Variants in MSH4 observed in about 807,000 individuals in gnomAD.
The protein encoded by MSH4 is mutS protein homolog 4.
A neutral mutation model predicts 113.7 loss-of-function variants in MSH4; 106 were observed. The observed-to-expected ratio is 0.93, with a 90% CI of 0.80 to 1.10. The LOEUF is 1.10. Among genes scored for constraint, MSH4 ranks in the 50% least tolerant of loss-of-function variants. The pLI, the probability that MSH4 is intolerant of heterozygous loss-of-function variation, is 0.00. For missense variants in MSH4, 1,061 were observed against 1,093.7 expected (o/e 0.97, Z 0.42); for synonymous variants, 368 against 380.2 (o/e 0.97, Z 0.37).
chr1:75,806,408 T>C (rs958161240), intron 2 of MSH4, among the ~76,000 whole-genome samples: 2 of 151,888 alleles, frequency 1.3e-5, no homozygotes, highest in Non-Finnish European at 2.9e-5. Context: ...CCACCACGCC[T>C]GGCTAATTTT....
chr1:75,836,235 G>T (rs529357267), intron 7 of MSH4, among the ~76,000 whole-genome samples: 1 of 151,370 alleles, frequency 6.6e-6, no homozygotes, highest in East Asian at 1.9e-4. Context: ...TCCCTTCTCT[G>T]TCCTTTTCTC....
At chr1:75,833,496 G>A (rs2202019) in intron 7 of MSH4, among the ~76,000 whole-genome samples, 20,501 of 151,994 alleles carry the variant, frequency 0.13, 1,605 homozygotes, top group East Asian at 0.27. Context: ...TAAACCAAAA[G>A]AACAAAGATG....
intron 8 of MSH4, among the ~76,000 whole-genome samples, chr1:75,866,187 T>C (rs188879632): frequency 2.0e-5 from 3 of 152,276 alleles, no homozygotes; most frequent in Admixed American, 2.0e-4. Context: ...CCTGCCCTTT[T>C]TTGAGACAGG....
rs1159528410 is a variant in MSH4 at position 75,881,249 on chromosome 1, A to G, written c.1785A>G (p.Ile595Met). 9 of 1,598,672 alleles carry G rather than the reference A, an allele frequency of 5.6e-6. 1 individual carries two copies. The highest frequency in any genetic ancestry group is 7.7e-6 in the Non-Finnish European group (9 of 1,169,204). The change falls in exon 14 of 20, where the codon ATA (isoleucine) becomes ATG (methionine). Residue 595 changes from isoleucine (I) to methionine (M), a missense_variant. Transcript: ENST00000263187. ...LREIYHMTYMIVCKLLSEIYE... is the reference protein window; with the variant it reads ...LREIYHMTYMMVCKLLSEIYE... Reference sequence around the variant, plus strand: ...GTCTTACCAAACGTGTTTTCAGGATAGTGTGCAAACTGCTTAGTGAGATTT... The same window carrying G: ...GTCTTACCAAACGTGTTTTCAGGATGGTGTGCAAACTGCTTAGTGAGATTT...
At chr1:75,804,768 A>C (rs958064065) in intron 2 of MSH4, among the ~76,000 whole-genome samples, 3 of 146,896 alleles carry the variant, frequency 2.0e-5, no homozygotes, top group Admixed American at 6.8e-5. Context: ...CTTGGCTCCC[A>C]AAGTGCTGGG....
At chr1:75,854,852 A>T (rs1393189081) in intron 8 of MSH4, among the ~76,000 whole-genome samples, 1 of 152,136 alleles carries the variant, frequency 6.6e-6, no homozygotes. Flanking sequence ...ACAAAGTACC[A>T]CAGTTAATGT....
intron 8 of MSH4, among the ~76,000 whole-genome samples, chr1:75,859,935 C>T (rs1183609077): frequency 6.6e-6 from 1 of 151,808 alleles, no homozygotes. Flanking sequence ...CTTTATGAAT[C>T]TGGGTGCTCC....
Position 75,822,422 on chromosome 1 carries a change from C to G in MSH4, c.1003C>G (p.Leu335Val). 6.4e-7 allele frequency: 1 copy of G among 1,557,862 alleles called. No homozygotes were observed. The highest frequency in any genetic ancestry group is 8.6e-7 in the Non-Finnish European group (1 of 1,159,638). Residue 335 changes from leucine (L) to valine (V), a missense_variant, in exon 7 of 20, where the codon CTC becomes GTC. Coordinates refer to ENST00000263187, the MANE Select transcript of MSH4 (RefSeq NM_002440.4). ...GTGTTTTGAAAGGAATAATCACACT[C>G]TCTTTGGTGTTCTAAATTATACTAA... ...NNQDYRNNHTLFGVLNYTKTP... is the reference protein window; with the variant it reads ...NNQDYRNNHTVFGVLNYTKTP...
chr1:75,883,979 A>G (rs1651991413), intron 15 of MSH4, among the ~76,000 whole-genome samples, 158 bp downstream of exon 15: 1 of 152,184 alleles, frequency 6.6e-6, no homozygotes, highest in African/African-American at 2.4e-5. Context: ...TGTAAACTAT[A>G]ACTTTACTAT....
At chr1:75,904,969 G>C (rs1403789634) in intron 19 of MSH4, among the ~76,000 whole-genome samples, 1 of 151,358 alleles carries the variant, frequency 6.6e-6, no homozygotes, top group Admixed American at 6.6e-5. Context: ...GATTTTATTT[G>C]GGTCTTCTCT....
intron 9 of MSH4, among the ~76,000 whole-genome samples, chr1:75,873,007 C>T (rs1171675596): frequency 6.6e-6 from 1 of 152,234 alleles, no homozygotes; most frequent in Non-Finnish European, 1.5e-5. Context: ...AACAACTATG[C>T]TGGGCTGTGC....
chr1:75,909,890 C>G (rs1194265436), intron 19 of MSH4, among the ~76,000 whole-genome samples: 1 of 151,938 alleles, frequency 6.6e-6, no homozygotes, highest in Non-Finnish European at 1.5e-5. Context: ...TGTTTTTCTT[C>G]CATCTCTCTT....
Position 75,822,511 on chromosome 1 carries a change from C to A in MSH4, c.1092C>A (p.Thr364=), listed in dbSNP as rs1425604926. ...TAGAGCCTCTAGTTGATATTGAAAC[C>A]ATTAACATGAGATTAGATTGTGTTC... is the stretch of plus-strand genomic sequence containing the variant. The part of the protein sequence containing the change: ...NILEPLVDIE[T]INMRLDCVQE... Residue 364 remains threonine (T), a synonymous_variant, in exon 7 of 20, where the codon ACC becomes ACA. Transcript: ENST00000263187. 47 of 1,585,460 alleles carry A rather than the reference C, an allele frequency of 3.0e-5. No individual in the cohort carries two copies. The highest frequency in any genetic ancestry group is 3.8e-5 in the Non-Finnish European group (44 of 1,169,536).
At chr1:75,825,664 T>C (rs2100524350) in intron 7 of MSH4, among the ~76,000 whole-genome samples, 1 of 152,310 alleles carries the variant, frequency 6.6e-6, no homozygotes, top group Middle Eastern at 3.4e-3. Context: ...TTGACAGTTT[T>C]TTAGTATGAA....
intron 7 of MSH4, among the ~76,000 whole-genome samples, chr1:75,844,350 A>G (rs534080734): frequency 6.6e-6 from 1 of 152,274 alleles, no homozygotes. Context: ...TTTTTGAGAC[A>G]GAGTCTGACT....
At position 75,840,404 on chromosome 1, in the gene MSH4, T is replaced by C. The variant is rs5745389; in HGVS notation, c.1163-7805T>C. 6.0e-3 allele frequency among the ~76,000 whole-genome samples: 876 copies of C among 146,110 alleles called. 14 individuals are homozygous for C. Among genetic ancestry groups the C allele is most frequent in the Admixed American group, 0.034 (483 of 14,208 alleles). Reference sequence around the variant, plus strand: ...TGAAATTGGAAATCATCATTCTCAGTAAACTATCACAAGAACAAAAAACCA... The same window carrying C: ...TGAAATTGGAAATCATCATTCTCAGCAAACTATCACAAGAACAAAAAACCA... On this transcript the variant is annotated intron_variant, in intron 7 of 19. Transcript: ENST00000263187.
intron 12 of MSH4, 29 bp downstream of exon 12, chr1:75,879,157 T>C (rs1651878299): frequency 6.3e-7 from 1 of 1,586,964 alleles, no homozygotes; most frequent in South Asian, 1.1e-5. Flanking sequence ...AGGAAATTAG[T>C]GTTTCTGATT....
intron 7 of MSH4, among the ~76,000 whole-genome samples, chr1:75,832,264 T>A (rs544442462): frequency 1.3e-4 from 20 of 152,228 alleles, no homozygotes; most frequent in African/African-American, 4.6e-4. Flanking sequence ...AATAGACCAA[T>A]AACAGGCTCT....
intron 19 of MSH4, among the ~76,000 whole-genome samples, chr1:75,903,169 T>C (rs1000230331): frequency 2.6e-5 from 4 of 152,060 alleles, no homozygotes; most frequent in Non-Finnish European, 5.9e-5. Context: ...AGTAGTTTCA[T>C]AGTTTCAGGT....
Sources: allele counts gnomAD v4.1 joint callset (sites outside exome capture counted in the v4.1 genomes callset), GRCh38; gene constraint gnomAD v4.1.1; transcripts MANE v1.5; gene names NCBI Gene and HGNC (gene_info 2026-07-23, HGNC 2026-07-21).